The following NRXN3 variants were observed in gnomAD, a reference collection of about 807,000 sequenced individuals.
NRXN3 encodes neurexin III.
A neutral mutation model predicts 137.6 loss-of-function variants in NRXN3; 32 were observed. The ratio of observed to expected loss-of-function variants is 0.23; its 90% CI spans 0.18 to 0.31. The LOEUF is 0.31. NRXN3 is among the 10% of genes least tolerant of loss of function. The pLI is 1.00. For synonymous variants in NRXN3, 798 were observed against 784.5 expected (o/e 1.02, Z -0.29); for missense variants, 1,574 against 2,062.5 (o/e 0.76, Z 4.59).
intron 5 of NRXN3, among the ~76,000 whole-genome samples, chr14:78,648,838 G>T (rs1167704988): frequency 1.3e-5 from 2 of 152,180 alleles, no homozygotes; most frequent in Non-Finnish European, 2.9e-5. Context: ...CTGTTGGGGG[G>T]TCTTTCCTTT....
chr14:79,808,255 A>AT (rs1555750670), intron 20 of NRXN3, among the ~76,000 whole-genome samples: 6,182 of 123,476 alleles, frequency 0.05, 191 homozygotes, highest in Middle Eastern at 0.078. Context: ...AAAAAAAAAA[A>AT]ATATATATAT....
intron 15 of NRXN3, among the ~76,000 whole-genome samples, chr14:79,374,926 TAC>T (rs1478587604): frequency 3.3e-5 from 5 of 152,258 alleles, no homozygotes; most frequent in Admixed American, 6.5e-5. Flanking sequence ...TAAAACATTT[TAC>T]AGAGGCTGAT....
chr14:78,375,782 C>T (rs1043621037), intron 4 of NRXN3, among the ~76,000 whole-genome samples: 1 of 152,104 alleles, frequency 6.6e-6, no homozygotes, highest in African/African-American at 2.4e-5. Context: ...CAATGCAGTG[C>T]ACCTGCAGTG....
intron 16 of NRXN3, among the ~76,000 whole-genome samples, chr14:79,569,850 C>T (rs900710624): frequency 4.6e-5 from 7 of 152,100 alleles, no homozygotes; most frequent in African/African-American, 1.7e-4. Flanking sequence ...CTCAAGTGAT[C>T]CGCCCACCTC....
chr14:78,799,736 G>A (rs1453228950), intron 8 of NRXN3, among the ~76,000 whole-genome samples: 2 of 152,120 alleles, frequency 1.3e-5, no homozygotes, highest in African/African-American at 4.8e-5. Context: ...TCACAATCAT[G>A]GCGGAAGTCA....
intron 16 of NRXN3, among the ~76,000 whole-genome samples, chr14:79,561,220 A>G (rs2097493197): frequency 6.6e-6 from 1 of 152,204 alleles, no homozygotes; most frequent in African/African-American, 2.4e-5. Context: ...TGTTGAATAC[A>G]ACTCATAATG....
At position 78,943,610 on chromosome 14, in the gene NRXN3, T is replaced by TAAA. The variant is rs754141401; in HGVS notation, c.2276-13622_2276-13620dup. Among the ~76,000 whole-genome samples, 188 of 28,758 alleles carry TAAA rather than the reference T, an allele frequency of 6.5e-3. 16 individuals are homozygous for TAAA. The highest frequency in any genetic ancestry group is 0.021 in the South Asian group (12 of 574). The allele number at this position is 28,758 out of a possible 152,430, so 18.9% of individuals were successfully genotyped here. On this transcript the variant is annotated intron_variant, in intron 10 of 20. Transcript: ENST00000335750. Reference sequence around the variant, plus strand: ...TTGAGAAAAGAAGCAAGATCACTGTTAAAAAAAAAAAATATATATATATAT... The same window carrying TAAA: ...TTGAGAAAAGAAGCAAGATCACTGTTAAAAAAAAAAAAAAATATATATATATAT...
intron 15 of NRXN3, among the ~76,000 whole-genome samples, chr14:79,088,823 G>A (rs1345071157): frequency 6.6e-6 from 1 of 152,104 alleles, no homozygotes; most frequent in Admixed American, 6.5e-5. Context: ...TTGGAAACAA[G>A]GCAGTTTGAA....
At chr14:78,506,527 T>C (rs1313101455) in intron 4 of NRXN3, among the ~76,000 whole-genome samples, 1 of 152,026 alleles carries the variant, frequency 6.6e-6, no homozygotes, top group African/African-American at 2.4e-5. Context: ...ACTACATTCC[T>C]ACCAACAGTA....
chr14:79,494,687 T>C (rs2096749897), intron 16 of NRXN3, among the ~76,000 whole-genome samples: 1 of 152,204 alleles, frequency 6.6e-6, no homozygotes, highest in Admixed American at 6.5e-5. Context: ...TGAAATAATT[T>C]TAGATTTGCA....
At chr14:79,638,805 G>A (rs1175150522) in intron 16 of NRXN3, among the ~76,000 whole-genome samples, 1 of 152,176 alleles carries the variant, frequency 6.6e-6, no homozygotes, top group Admixed American at 6.5e-5. Flanking sequence ...ATTGCTGTTG[G>A]CAGAGTAACG....
chr14:78,235,592 T>C (rs2066171644), intron 1 of NRXN3, among the ~76,000 whole-genome samples: 1 of 148,218 alleles, frequency 6.7e-6, no homozygotes, highest in South Asian at 2.1e-4. Flanking sequence ...ACTTAGTTTT[T>C]AGTAAAAAAA....
intron 19 of NRXN3, among the ~76,000 whole-genome samples, chr14:79,705,002 T>C (rs1452898128): frequency 6.6e-6 from 1 of 152,124 alleles, no homozygotes; most frequent in Non-Finnish European, 1.5e-5. Context: ...ACAGGTGCTT[T>C]CCAAAACTAG....
chr14:78,315,597 G>A (rs1028983265), intron 4 of NRXN3, among the ~76,000 whole-genome samples: 1 of 152,172 alleles, frequency 6.6e-6, no homozygotes, highest in Non-Finnish European at 1.5e-5. Flanking sequence ...TTTGTTATAC[G>A]TAGATTTTTG....
intron 16 of NRXN3, among the ~76,000 whole-genome samples, chr14:79,655,950 TC>T (rs1207677707): frequency 1.7e-4 from 26 of 152,212 alleles, no homozygotes; most frequent in Non-Finnish European, 3.1e-4. Context: ...CACTAGAGTT[TC>T]TGATTCAGAG....
chr14:78,507,615 A>G (rs1351301440), intron 4 of NRXN3, among the ~76,000 whole-genome samples: 1 of 152,170 alleles, frequency 6.6e-6, no homozygotes, highest in East Asian at 1.9e-4. Context: ...CCACGTCCTT[A>G]AAGTCCACGT....
At chr14:78,224,918 C>T (rs2153429070) in intron 1 of NRXN3, among the ~76,000 whole-genome samples, 1 of 150,762 alleles carries the variant, frequency 6.6e-6, no homozygotes, top group South Asian at 2.1e-4. Flanking sequence ...AGGCACCCGC[C>T]ACCGTGCCCG....
At chr14:79,823,378 C>T (rs2099278629) in intron 20 of NRXN3, among the ~76,000 whole-genome samples, 2 of 152,284 alleles carry the variant, frequency 1.3e-5, no homozygotes, top group Non-Finnish European at 2.9e-5. Context: ...GTGATTATCT[C>T]TAGGTGGTGA....
chr14:78,899,269 C>A (rs1474734080), intron 10 of NRXN3, among the ~76,000 whole-genome samples: 1 of 151,928 alleles, frequency 6.6e-6, no homozygotes, highest in Non-Finnish European at 1.5e-5. Flanking sequence ...TGCCCTCCCC[C>A]AAAAATTCAA....
Sources: gnomAD v4.1 joint callset for allele counts (sites outside exome capture counted in the v4.1 genomes callset) on GRCh38, gnomAD v4.1.1 for gene constraint, MANE v1.5 for transcripts, NCBI Gene and HGNC (gene_info 2026-07-23, HGNC 2026-07-21) for gene names.